Variants in MVP observed in about 807,000 individuals in gnomAD.
The protein encoded by MVP is major vault protein, also known as lung resistance-related protein.
A neutral mutation model predicts 83.5 loss-of-function variants in MVP; 62 were observed. The ratio of observed to expected loss-of-function variants is 0.74; its 90% CI spans 0.61 to 0.92. MVP has a LOEUF of 0.92. MVP is among the 40% of genes least tolerant of loss of function. MVP has a pLI of 0.00. For missense variants in MVP, 1,000 were observed against 1,203.4 expected (o/e 0.83, Z 2.50); for synonymous variants, 505 against 504.1 (o/e 1.00, Z -0.02).
At chr16:29,831,145 C>A in intron 3 of MVP, 72 bp downstream of exon 3, 1 of 1,354,390 alleles carries the variant, frequency 7.4e-7, no homozygotes, top group East Asian at 2.4e-5. Flanking sequence ...ATACTGCTGC[C>A]TTCTTCTTCT....
intron 1 of MVP, among the ~76,000 whole-genome samples, chr16:29,826,691 G>T (rs2067407050): frequency 6.6e-6 from 1 of 151,264 alleles, no homozygotes; most frequent in Non-Finnish European, 1.5e-5. Flanking sequence ...GGGAGGCCGA[G>T]GCGGGTGGAT....
intron 7 of MVP, 120 bp from the exon 8 acceptor site, chr16:29,840,058 G>A (rs1014120042): frequency 5.0e-6 from 5 of 1,004,740 alleles, no homozygotes; most frequent in Admixed American, 2.6e-5. Context: ...GGGGGTGGGG[G>A]CGGGCTTCTG....
intron 10 of MVP, among the ~76,000 whole-genome samples, 168 bp downstream of exon 10, chr16:29,842,280 TGTTTTTTTA>T (rs1856502365): frequency 1.3e-5 from 2 of 152,054 alleles, no homozygotes; most frequent in South Asian, 4.1e-4. Flanking sequence ...CTTTGTTTTT[TGTTTTTTTA>T]GTTTTTTGGT....
chr16:29,821,389 C>A (rs139344689), intron 1 of MVP: 1 of 152,342 alleles, frequency 6.6e-6, no homozygotes, highest in African/African-American at 2.4e-5. Context: ...TAGCCTTGAG[C>A]AGGTAGGGGG....
At position 29,846,276 on chromosome 16, in the gene MVP, A is replaced by G; in HGVS notation, c.2257A>G (p.Ile753Val). The G allele has an allele frequency of 6.4e-7, 1 of 1,563,250 alleles. No homozygotes were observed. Among genetic ancestry groups the G allele is most frequent in the South Asian group, 1.2e-5 (1 of 85,340 alleles). ...CAAGCTAAAAGCACAGGCCTTGGCC[A>G]TTGAAACGGTGAGTGGGGGGAGGCA... is the stretch of plus-strand genomic sequence containing the variant. ...QAKLKAQALAIETEAELQRVQ... is the reference protein window; with the variant it reads ...QAKLKAQALAVETEAELQRVQ... Residue 753 changes from isoleucine to valine, a missense_variant, in exon 13 of 15, where the codon ATT becomes GTT. Ile to Val is a conservative substitution (Grantham distance 29). Transcript: ENST00000357402.
intron 1 of MVP, chr16:29,821,332 G>A (rs1442871176): frequency 6.6e-6 from 1 of 152,324 alleles, no homozygotes; most frequent in Non-Finnish European, 1.5e-5. Flanking sequence ...CAGAGCACTG[G>A]GTCGGCCCTC....
intron 7 of MVP, among the ~76,000 whole-genome samples, chr16:29,837,541 G>A (rs916526598): frequency 3.3e-5 from 5 of 152,166 alleles, no homozygotes; most frequent in African/African-American, 4.8e-5. Flanking sequence ...ATCACTTGAG[G>A]TCAGGAGTTC....
chr16:29,836,369 G>A (rs1321316941), intron 6 of MVP, among the ~76,000 whole-genome samples: 1 of 151,774 alleles, frequency 6.6e-6, no homozygotes, highest in Non-Finnish European at 1.5e-5. Context: ...GAGGTCAGGA[G>A]TTCAAGACAA....
intron 14 of MVP, 119 bp from the exon 15 acceptor site, chr16:29,847,643 A>G (rs1383930404): frequency 1.8e-6 from 2 of 1,083,338 alleles, no homozygotes; most frequent in Admixed American, 3.5e-5. Context: ...CAAGGCAGTC[A>G]AGCAGGGTGG....
At chr16:29,831,199 C>T in intron 3 of MVP, 126 bp downstream of exon 3, 1 of 955,000 alleles carries the variant, frequency 1.0e-6, no homozygotes. Context: ...TCTTGTCGCC[C>T]AGGCTGGAGT....
rs1379419685 is a variant in MVP at position 29,828,501 on chromosome 16, C to T, written c.-35-2014C>T. 2.0e-5 allele frequency among the ~76,000 whole-genome samples: 3 copies of T among 152,032 alleles called. No individual in the cohort carries two copies. In the East Asian group the frequency reaches 5.8e-4, roughly 29 times the overall value. The stretch of plus-strand genomic sequence containing the variant: ...TTCGAGCAATCCTCCTGTCTCAGCC[C>T]CCCTAGTAGCTGGGATTATAGGTAC... On this transcript the variant is annotated intron_variant, in intron 1 of 14. Transcript: ENST00000357402.
chr16:29,847,866 C>T lies in MVP; in HGVS notation c.2559C>T (p.Pro853=), dbSNP rs773636231. Residue 853 remains proline (P), a synonymous_variant, in exon 15 of 15, where the codon CCC becomes CCT. Coordinates refer to ENST00000357402, the MANE Select transcript of MVP (RefSeq NM_005115.5). ...NTAFGLLGMG[P]EGQPLGRRVA... is the part of the protein sequence containing the mutation. Reference sequence around the variant, plus strand: ...CCTTTGGGCTGCTGGGGATGGGGCCCGAGGGTCAGCCCCTGGGCAGAAGGG... The same window carrying T: ...CCTTTGGGCTGCTGGGGATGGGGCCTGAGGGTCAGCCCCTGGGCAGAAGGG... The T allele has an allele frequency of 6.2e-6, 10 of 1,614,154 alleles. No homozygotes were observed. The highest frequency in any genetic ancestry group is 4.4e-5 in the South Asian group (4 of 91,088).
At position 29,842,127 on chromosome 16, in the gene MVP, A is replaced by T; in HGVS notation, c.1634+15A>T. On this transcript the variant is annotated intron_variant, in intron 10 of 14. Coordinates refer to ENST00000357402, the MANE Select transcript of MVP (RefSeq NM_005115.5). ...GCCTACAACTGGTAAAAATGGGGAC[A>T]GGGCATGGGGGTGCATTCCTGGAAT... The T allele has an allele frequency of 6.3e-7, 1 of 1,584,278 alleles. No homozygotes were observed. The highest frequency in any genetic ancestry group is 8.5e-7 in the Non-Finnish European group (1 of 1,170,946).
At chr16:29,822,204 C>T (rs1278390665) in intron 1 of MVP, among the ~76,000 whole-genome samples, 2 of 150,502 alleles carry the variant, frequency 1.3e-5, no homozygotes, top group African/African-American at 2.4e-5. Context: ...CTGATCTAGG[C>T]GGTTCTTGCC....
chr16:29,833,784 G>A lies in MVP; in HGVS notation c.373G>A (p.Ala125Thr). The A allele has an allele frequency of 6.2e-7, 1 of 1,614,060 alleles. No homozygotes were observed. The highest frequency in any genetic ancestry group is 8.5e-7 in the Non-Finnish European group (1 of 1,180,014). The change falls in exon 4 of 15, where the codon GCG becomes ACG. Residue 125 changes from alanine (A) to threonine (T), a missense_variant. Ala to Thr is a moderately conservative substitution (Grantham distance 58). Coordinates refer to ENST00000357402, the MANE Select transcript of MVP (RefSeq NM_005115.5). ...GCCCAACACTGCCCTCCATCTAAAG[G>A]CGCTGCTTGATTTTGAGGATAAAGA... ...VLPNTALHLK[A>T]LLDFEDKDGD...
intron 13 of MVP, 134 bp from the exon 14 acceptor site, chr16:29,847,063 G>T: frequency 1.1e-6 from 1 of 938,834 alleles, no homozygotes. Context: ...GGTGGCACAT[G>T]CCTGTAGTCC....
At chr16:29,833,696 A>G in intron 3 of MVP, 37 bp from the exon 4 acceptor site, 1 of 1,613,004 alleles carries the variant, frequency 6.2e-7, no homozygotes, top group Non-Finnish European at 8.5e-7. Flanking sequence ...GGGTCACAGC[A>G]CTGATGGTTC....
chr16:29,822,976 C>G (rs554746107), intron 1 of MVP, among the ~76,000 whole-genome samples: 1 of 152,172 alleles, frequency 6.6e-6, no homozygotes, highest in East Asian at 1.9e-4. Context: ...CCTTGGCCTC[C>G]CAAAGTGCTG....
intron 11 of MVP, among the ~76,000 whole-genome samples, chr16:29,845,166 CAACAGGCCTGGGA>C (rs2067573315): frequency 7.0e-6 from 1 of 143,186 alleles, no homozygotes; most frequent in Non-Finnish European, 1.5e-5. Flanking sequence ...CCAGCCTGGG[CAACAGGCCTGGGA>C]GACTGACCCT....
Sources: gnomAD v4.1 joint callset for allele counts (sites outside exome capture counted in the v4.1 genomes callset) on GRCh38, gnomAD v4.1.1 for gene constraint, MANE v1.5 for transcripts, NCBI Gene and HGNC (gene_info 2026-07-23, HGNC 2026-07-21) for gene names.